The following TLL1 variants were observed in gnomAD, a reference collection of about 807,000 sequenced individuals.
The protein encoded by TLL1 is tolloid like 1, also known as tolloid-like protein 1.
A neutral mutation model predicts 128.2 loss-of-function variants in TLL1; 49 were observed. The ratio of observed to expected loss-of-function variants is 0.38; its 90% CI spans 0.30 to 0.48. The LOEUF (loss-of-function observed/expected upper bound fraction) is 0.48, where lower values mean the gene tolerates loss of function less well. Ranked by LOEUF, TLL1 falls within the 20% of genes least tolerant of loss-of-function variation. The pLI is 0.96. For synonymous variants in TLL1, 454 were observed against 418.8 expected (o/e 1.08, Z -1.03); for missense variants, 1,123 against 1,242.0 (o/e 0.90, Z 1.44).
chr4:165,919,613 A>G (rs1732945713), intron 1 of TLL1, among the ~76,000 whole-genome samples: 2 of 152,044 alleles, frequency 1.3e-5, no homozygotes, highest in Non-Finnish European at 2.9e-5. Flanking sequence ...CTAACCTCCA[A>G]ATGAATGGCA....
At chr4:165,962,442 A>C (rs142776832) in intron 1 of TLL1, among the ~76,000 whole-genome samples, 1 of 152,160 alleles carries the variant, frequency 6.6e-6, no homozygotes, top group South Asian at 2.1e-4. Flanking sequence ...CTGTGCTGGC[A>C]GAGAGAATGA....
intron 1 of TLL1, among the ~76,000 whole-genome samples, chr4:165,908,799 T>A (rs1413318626): frequency 2.0e-5 from 3 of 152,170 alleles, no homozygotes; most frequent in Admixed American, 6.5e-5. Flanking sequence ...AGGCCAGGCA[T>A]GGTTGTGGCA....
intron 3 of TLL1, 62 bp from the exon 4 acceptor site, chr4:165,994,319 G>A (rs1736765554): frequency 6.3e-7 from 1 of 1,598,190 alleles, no homozygotes; most frequent in Non-Finnish European, 8.6e-7. Flanking sequence ...TGTCCTTTAA[G>A]AGGTAAATGA....
intron 14 of TLL1, among the ~76,000 whole-genome samples, chr4:166,058,782 A>C (rs1189551577): frequency 1.3e-5 from 2 of 152,252 alleles, no homozygotes; most frequent in East Asian, 3.9e-4. Flanking sequence ...TCCCATCAAA[A>C]TGTTAGTCCT....
At chr4:166,027,592 A>G (rs905135240) in intron 9 of TLL1, among the ~76,000 whole-genome samples, 9 of 152,200 alleles carry the variant, frequency 5.9e-5, no homozygotes. Flanking sequence ...TTGTAATATG[A>G]TCATAGGTGT....
At chr4:166,023,134 C>T (rs762876436) in intron 8 of TLL1, among the ~76,000 whole-genome samples, 2 of 152,212 alleles carry the variant, frequency 1.3e-5, no homozygotes, top group Non-Finnish European at 2.9e-5. Flanking sequence ...AGCAGTGGCT[C>T]ACGCCTGTAA....
chr4:166,002,112 C>T (rs540052691), intron 5 of TLL1, among the ~76,000 whole-genome samples: 43 of 152,210 alleles, frequency 2.8e-4, no homozygotes, highest in African/African-American at 8.2e-4. Flanking sequence ...GTTCTGGAGA[C>T]GCGGCACTGC....
chr4:165,989,428 T>C lies in TLL1; in HGVS notation c.217T>C (p.Phe73Leu), dbSNP rs1426103324. The C allele has an allele frequency of 3.7e-6, 6 of 1,613,032 alleles. No homozygotes were observed. The highest frequency in any genetic ancestry group is 2.2e-5 in the South Asian group (2 of 91,074). The change falls in exon 2 of 21, where the codon TTT becomes CTT. Residue 73 changes from phenylalanine (F) to leucine (L), a missense_variant. Phe to Leu is a conservative substitution (Grantham distance 22). Coordinates refer to ENST00000061240, the MANE Select transcript of TLL1 (RefSeq NM_012464.5). Reference protein sequence around the residue: ...IALDDEDLNIFQIDRTIDLTQ... With the variant: ...IALDDEDLNILQIDRTIDLTQ... ...CTTAGATGATGAAGACTTAAATATC[T>C]TTCAAATAGATAGGACAATTGACCT...
intron 17 of TLL1, among the ~76,000 whole-genome samples, chr4:166,076,827 T>A (rs1741052636): frequency 6.6e-6 from 1 of 152,186 alleles, no homozygotes; most frequent in Non-Finnish European, 1.5e-5. Context: ...TATTGTAATC[T>A]TCTGTTGCAA....
At chr4:165,942,723 C>G (rs913964707) in intron 1 of TLL1, among the ~76,000 whole-genome samples, 2 of 151,610 alleles carry the variant, frequency 1.3e-5, no homozygotes, top group Non-Finnish European at 2.9e-5. Context: ...TACTATTCCA[C>G]CCTCATGGGA....
At chr4:165,945,281 C>T (rs533415101) in intron 1 of TLL1, among the ~76,000 whole-genome samples, 13 of 151,724 alleles carry the variant, frequency 8.6e-5, no homozygotes, top group South Asian at 6.2e-4. Context: ...GAGGATCTAA[C>T]GGCAGCATAT....
Position 165,942,529 on chromosome 4 carries a change from C to A in TLL1, c.170-46852C>A, listed in dbSNP as rs115191150. 4.1e-3 allele frequency among the ~76,000 whole-genome samples: 619 copies of A among 151,608 alleles called. 4 individuals are homozygous for A. The highest frequency in any genetic ancestry group is 0.014 in the African/African-American group (562 of 41,374). The stretch of plus-strand genomic sequence containing the variant: ...TTTGTATCACCAGAACGTAATCTAA[C>A]CGAATACCTTCCAGTATAAAGTAGT... On this transcript the variant is annotated intron_variant, in intron 1 of 20. Transcript: ENST00000061240.
intron 10 of TLL1, 122 bp downstream of exon 10, chr4:166,039,563 G>A: frequency 1.4e-6 from 1 of 721,430 alleles, no homozygotes; most frequent in South Asian, 1.6e-5. Flanking sequence ...TTATTTTTAT[G>A]TTAGTTATAC....
intron 18 of TLL1, among the ~76,000 whole-genome samples, chr4:166,081,092 T>G (rs1046148767): frequency 2.6e-5 from 4 of 152,214 alleles, no homozygotes; most frequent in African/African-American, 9.6e-5. Context: ...TCTGTCTATA[T>G]ATCTTATGAG....
chr4:165,935,748 C>A (rs1441165707), intron 1 of TLL1, among the ~76,000 whole-genome samples: 1 of 152,182 alleles, frequency 6.6e-6, no homozygotes, highest in African/African-American at 2.4e-5. Context: ...AATCTGATGT[C>A]TTTTAAGTCT....
chr4:165,995,458 G>C (rs1335498210), intron 5 of TLL1, among the ~76,000 whole-genome samples: 1 of 152,120 alleles, frequency 6.6e-6, no homozygotes, highest in Non-Finnish European at 1.5e-5. Flanking sequence ...CTTCAGTATA[G>C]TCAACTAGGG....
At chr4:166,095,784 C>T (rs1741989140) in intron 19 of TLL1, among the ~76,000 whole-genome samples, 1 of 152,096 alleles carries the variant, frequency 6.6e-6, no homozygotes, top group African/African-American at 2.4e-5. Flanking sequence ...TATTCAGCTT[C>T]ATTTTCCATT....
In TLL1 at chr4:165,995,198, G is replaced by C. The variant is rs1209684302; in HGVS notation, c.632+20G>C. The C allele has an allele frequency of 1.5e-5, 23 of 1,544,120 alleles. No individual in the cohort carries two copies. Among genetic ancestry groups the C allele is most frequent in the Non-Finnish European group, 2.0e-5 (22 of 1,116,708 alleles). On this transcript the variant is annotated intron_variant, in intron 5 of 20. Transcript: ENST00000061240. The stretch of plus-strand genomic sequence containing the variant: ...TTGTGGGTAAGTAGAACTAGGTAGG[G>C]ACTGACTTAAGGAAAAAAAAAATTA...
intron 19 of TLL1, among the ~76,000 whole-genome samples, chr4:166,097,572 T>A (rs1742081716): frequency 6.6e-6 from 1 of 152,118 alleles, no homozygotes; most frequent in Non-Finnish European, 1.5e-5. Flanking sequence ...GCCCATAGAT[T>A]TGCTTGGGCA....
Sources: allele counts gnomAD v4.1 joint callset (sites outside exome capture counted in the v4.1 genomes callset), GRCh38; gene constraint gnomAD v4.1.1; transcripts MANE v1.5; gene names NCBI Gene and HGNC (gene_info 2026-07-23, HGNC 2026-07-21).